Variants in SGMS1 observed in about 807,000 individuals in gnomAD.
SGMS1 encodes sphingomyelin synthase 1.
SGMS1 carries 13 observed loss-of-function variants against 46.2 expected under a neutral mutation model. The observed-to-expected ratio is 0.28, with a 90% CI of 0.18 to 0.45. The LOEUF (loss-of-function observed/expected upper bound fraction) is 0.45, where lower values mean the gene tolerates loss of function less well. SGMS1 is among the 20% of genes least tolerant of loss of function. The pLI is 1.00. For missense variants in SGMS1, 324 were observed against 519.9 expected (o/e 0.62, Z 3.66); for synonymous variants, 203 against 187.8 (o/e 1.08, Z -0.66).
At chr10:50,427,349 A>G (rs566207153) in intron 6 of SGMS1, among the ~76,000 whole-genome samples, 29 of 152,342 alleles carry the variant, frequency 1.9e-4, no homozygotes, top group African/African-American at 6.3e-4. Flanking sequence ...CAGTGAGCCG[A>G]GATGGCGCCA....
At chr10:50,447,174 GGAGA>G (rs1417274887) in intron 5 of SGMS1, among the ~76,000 whole-genome samples, 1 of 151,938 alleles carries the variant, frequency 6.6e-6, no homozygotes, top group Admixed American at 6.6e-5. Flanking sequence ...ACAATTCAAG[GGAGA>G]GAGACTCAAA....
intron 6 of SGMS1, among the ~76,000 whole-genome samples, chr10:50,373,074 A>T (rs1848467182): frequency 1.3e-5 from 2 of 152,182 alleles, no homozygotes; most frequent in African/African-American, 4.8e-5. Flanking sequence ...AAGCTATCAA[A>T]ATCCTCCTCA....
At chr10:50,315,778 G>A (rs1331298831) in intron 8 of SGMS1, among the ~76,000 whole-genome samples, 2 of 151,934 alleles carry the variant, frequency 1.3e-5, no homozygotes, top group Non-Finnish European at 2.9e-5. Flanking sequence ...GCTGTGACAA[G>A]AAAGTCTCAT....
intron 3 of SGMS1, among the ~76,000 whole-genome samples, chr10:50,511,859 G>A (rs890047094): frequency 3.3e-5 from 5 of 152,066 alleles, no homozygotes; most frequent in African/African-American, 1.2e-4. Context: ...CTTCTAACCT[G>A]TACATAATTT....
chr10:50,543,456 C>T (rs1459757025), intron 2 of SGMS1, among the ~76,000 whole-genome samples: 2 of 152,114 alleles, frequency 1.3e-5, no homozygotes, highest in Non-Finnish European at 2.9e-5. Flanking sequence ...AGAACAAGAG[C>T]GTAGGCTAAG....
intron 2 of SGMS1, among the ~76,000 whole-genome samples, chr10:50,544,148 T>C (rs1486876572): frequency 2.0e-5 from 3 of 152,228 alleles, no homozygotes; most frequent in Non-Finnish European, 2.9e-5. Flanking sequence ...ATAAAAACCA[T>C]ATCAGGTGAC....
Position 50,580,542 on chromosome 10 carries a change from C to T in SGMS1, c.-589+9611G>A, listed in dbSNP as rs149361862. 6.9e-3 allele frequency among the ~76,000 whole-genome samples: 1,040 copies of T among 151,674 alleles called. 5 individuals are homozygous for T. Among genetic ancestry groups the T allele is most frequent in the Middle Eastern group, 0.014 (4 of 294 alleles). On this transcript the variant is annotated intron_variant, in intron 2 of 10. Transcript: ENST00000361781. ...GTGGCAGACACAGGACTAGAAAGAG[C>T]GGGGCATGCACAGGAGTGTGGGATT...
At chr10:50,462,139 G>A (rs2133687205) in intron 4 of SGMS1, among the ~76,000 whole-genome samples, 1 of 152,272 alleles carries the variant, frequency 6.6e-6, no homozygotes, top group East Asian at 1.9e-4. Flanking sequence ...GTGTGTGCCT[G>A]TATTCTCAGC....
Position 50,308,526 on chromosome 10 carries a change from C to T in SGMS1, c.896-378G>A, listed in dbSNP as rs188888372. ...TTGATGCTCTACACAAAAATCAATA[C>T]CTTTTGGCCCACAGAGCCTAATACA... On this transcript the variant is annotated intron_variant, in intron 9 of 10. Transcript: ENST00000361781. 1.8e-4 allele frequency among the ~76,000 whole-genome samples: 27 copies of T among 152,194 alleles called. No individual in the cohort carries two copies. In the East Asian group the frequency reaches 5.2e-3, roughly 29 times the overall value.
At chr10:50,317,802 CTTTTT>C (rs143154915) in intron 8 of SGMS1, among the ~76,000 whole-genome samples, 1 of 133,592 alleles carries the variant, frequency 7.5e-6, no homozygotes, top group Non-Finnish European at 1.6e-5. Context: ...TTATTTCTTT[CTTTTT>C]TTTTTTTTTT....
intron 7 of SGMS1, among the ~76,000 whole-genome samples, chr10:50,333,998 T>C (rs1438102700): frequency 6.6e-6 from 1 of 152,216 alleles, no homozygotes; most frequent in Non-Finnish European, 1.5e-5. Flanking sequence ...ATTTAAGTAC[T>C]AGCCTGGAGC....
chr10:50,608,944 A>G (rs369785216), intron 1 of SGMS1, among the ~76,000 whole-genome samples: 16 of 152,314 alleles, frequency 1.1e-4, no homozygotes, highest in African/African-American at 3.6e-4. Flanking sequence ...AATACATAAT[A>G]CAATGTAAAT....
intron 2 of SGMS1, among the ~76,000 whole-genome samples, chr10:50,542,117 A>G (rs1049570556): frequency 6.6e-6 from 1 of 152,206 alleles, no homozygotes; most frequent in Non-Finnish European, 1.5e-5. Context: ...CTTTGAAGCT[A>G]CAGCAACCAA....
chr10:50,431,879 T>C (rs1849407812), intron 6 of SGMS1, among the ~76,000 whole-genome samples: 1 of 152,170 alleles, frequency 6.6e-6, no homozygotes, highest in African/African-American at 2.4e-5. Flanking sequence ...TGGAGATCAG[T>C]TTAACAGCCA....
intron 2 of SGMS1, among the ~76,000 whole-genome samples, chr10:50,552,383 C>T (rs1273294888): frequency 2.6e-5 from 4 of 152,160 alleles, no homozygotes; most frequent in African/African-American, 7.2e-5. Flanking sequence ...AGTAGACATA[C>T]CCTTTAAAAA....
At chr10:50,587,633 A>ATATGTGTGTGTGTGTGTGTGTGTG in intron 2 of SGMS1, among the ~76,000 whole-genome samples, 1 of 138,264 alleles carries the variant, frequency 7.2e-6, no homozygotes, top group Non-Finnish European at 1.6e-5. Context: ...CAAAATATAT[A>ATATGTGTGTGTGTGTGTGTGTGTG]TGTGTGTGTG....
chr10:50,571,476 A>G (rs546818495), intron 2 of SGMS1, among the ~76,000 whole-genome samples: 10 of 152,360 alleles, frequency 6.6e-5, no homozygotes, highest in African/African-American at 2.4e-4. Flanking sequence ...CATTTCCTGC[A>G]GTGAGTCCTG....
intron 2 of SGMS1, among the ~76,000 whole-genome samples, chr10:50,556,906 G>A (rs1470126275): frequency 6.6e-6 from 1 of 152,204 alleles, no homozygotes; most frequent in East Asian, 1.9e-4. Context: ...AACTGAGACA[G>A]GAGTGTGCAG....
At chr10:50,583,460 G>A (rs989513153) in intron 2 of SGMS1, among the ~76,000 whole-genome samples, 1 of 152,182 alleles carries the variant, frequency 6.6e-6, no homozygotes, top group Admixed American at 6.5e-5. Flanking sequence ...GCCCTGGAGT[G>A]AAGCACATGA....
Sources: gnomAD v4.1 joint callset for allele counts (sites outside exome capture counted in the v4.1 genomes callset) on GRCh38, gnomAD v4.1.1 for gene constraint, MANE v1.5 for transcripts, NCBI Gene and HGNC (gene_info 2026-07-23, HGNC 2026-07-21) for gene names.